IGSF21: variants seen among roughly 807,000 people sequenced by gnomAD.
IGSF21 encodes immunoglobulin superfamily member 21.
Under a neutral mutation model 46.8 loss-of-function variants are expected in IGSF21, and 28 were observed. The observed-to-expected ratio is 0.60, with a 90% CI of 0.44 to 0.82. The LOEUF is 0.82. Among genes scored for constraint, IGSF21 ranks in the 40% least tolerant of loss-of-function variants. The probability of loss-of-function intolerance (pLI) is 0.00; values close to 1 mark genes in which losing one functional copy is unlikely to be tolerated. For missense variants in IGSF21, 624 were observed against 665.5 expected, an observed-to-expected ratio of 0.94 and a Z score of 0.69; for synonymous variants, 284 against 273.6, an observed-to-expected ratio of 1.04 and a Z score of -0.38.
intron 1 of IGSF21, among the ~76,000 whole-genome samples, chr1:18,123,162 G>A (rs1453991038): frequency 1.3e-5 from 2 of 152,188 alleles, no homozygotes; most frequent in African/African-American, 4.8e-5. Flanking sequence ...GAGTCCGGAT[G>A]ATCCCATTCT....
intron 1 of IGSF21, among the ~76,000 whole-genome samples, chr1:18,126,745 A>G (rs917125781): frequency 6.6e-6 from 1 of 152,090 alleles, no homozygotes; most frequent in African/African-American, 2.4e-5. Flanking sequence ...ATGTTTTATT[A>G]AAAGAGCTGG....
chr1:18,198,361 C>T (rs2087030045), intron 1 of IGSF21, among the ~76,000 whole-genome samples: 1 of 152,134 alleles, frequency 6.6e-6, no homozygotes, highest in African/African-American at 2.4e-5. Context: ...TTTATAGCTG[C>T]CGGGACCCAC....
intron 2 of IGSF21, among the ~76,000 whole-genome samples, chr1:18,257,874 C>T (rs1557610826): frequency 6.6e-6 from 1 of 152,210 alleles, no homozygotes; most frequent in Non-Finnish European, 1.5e-5. Context: ...CCCTCCCCCT[C>T]ATGAACCCTT....
At chr1:18,150,478 T>C (rs1054642213) in intron 1 of IGSF21, among the ~76,000 whole-genome samples, 1 of 152,158 alleles carries the variant, frequency 6.6e-6, no homozygotes, top group African/African-American at 2.4e-5. Context: ...GCAGTCACTG[T>C]GCCCTGCCCT....
intron 4 of IGSF21, among the ~76,000 whole-genome samples, chr1:18,347,540 G>A (rs1404693971): frequency 6.6e-6 from 1 of 152,218 alleles, no homozygotes; most frequent in African/African-American, 2.4e-5. Context: ...GTGGGGATCT[G>A]TATCCCCATT....
chr1:18,143,873 C>T (rs988438367), intron 1 of IGSF21, among the ~76,000 whole-genome samples: 1 of 152,122 alleles, frequency 6.6e-6, no homozygotes, highest in East Asian at 1.9e-4. Context: ...CTTGGATTCT[C>T]TCCCCAAGGC....
At position 18,365,678 on chromosome 1, in the gene IGSF21, G is replaced by T. The variant is rs761701513; in HGVS notation, c.996G>T (p.Met332Ile). 2 of 1,612,970 alleles carry T rather than the reference G, an allele frequency of 1.2e-6. No individual in the cohort carries two copies. The highest frequency in any genetic ancestry group is 1.7e-6 in the Non-Finnish European group (2 of 1,179,198). The change falls in exon 6 of 10, where the codon ATG becomes ATT. Residue 332 changes from methionine (M) to isoleucine (I), a missense_variant. Transcript: ENST00000251296. This position sits in a 1 kb window ranked among gnomAD's most constrained non-coding sequence, Gnocchi z 4.8. ...AGCACCCAGCTCTGTCGATGCCCAT[G>T]CAGGCAGAGGTCACGCTGGGTAAGA... ...EVKHPALSMP[M>I]QAEVTLVAPK...
intron 1 of IGSF21, among the ~76,000 whole-genome samples, chr1:18,153,093 A>G (rs897192310): frequency 6.6e-6 from 1 of 152,188 alleles, no homozygotes; most frequent in African/African-American, 2.4e-5. Flanking sequence ...CGAGCCCCCA[A>G]GGGCACTCAG....
At chr1:18,286,837 G>T (rs112561178) in intron 2 of IGSF21, among the ~76,000 whole-genome samples, 3 of 152,262 alleles carry the variant, frequency 2.0e-5, no homozygotes, top group Middle Eastern at 3.4e-3. Flanking sequence ...TTTATCGAGC[G>T]AGTGCCATTT....
intron 1 of IGSF21, among the ~76,000 whole-genome samples, chr1:18,200,798 C>T (rs1369221595): frequency 6.6e-6 from 1 of 152,166 alleles, no homozygotes; most frequent in Non-Finnish European, 1.5e-5. Flanking sequence ...TGGCCGGGAT[C>T]CACGTTGCCC....
chr1:18,188,775 A>G (rs2086927815), intron 1 of IGSF21, among the ~76,000 whole-genome samples: 1 of 152,262 alleles, frequency 6.6e-6, no homozygotes, highest in Non-Finnish European at 1.5e-5. Context: ...ATTGAGGCAC[A>G]GAGAAGCAAA....
At chr1:18,329,692 A>G (rs1361241960) in intron 3 of IGSF21, among the ~76,000 whole-genome samples, 1 of 152,182 alleles carries the variant, frequency 6.6e-6, no homozygotes, top group Non-Finnish European at 1.5e-5. Flanking sequence ...TGTAGAGCCT[A>G]TAGAGCTTAA....
intron 6 of IGSF21, among the ~76,000 whole-genome samples, chr1:18,371,621 A>G (rs962722106): frequency 2.0e-5 from 3 of 152,166 alleles, no homozygotes; most frequent in African/African-American, 7.2e-5. Flanking sequence ...CAGAGTACTC[A>G]CTGTGTGAGT....
At chr1:18,181,384 A>AAACTG (rs2086856837) in intron 1 of IGSF21, among the ~76,000 whole-genome samples, 1 of 152,214 alleles carries the variant, frequency 6.6e-6, no homozygotes, top group African/African-American at 2.4e-5. Context: ...CACTGACCCA[A>AAACTG]ACGCTGTTTT....
At chr1:18,220,029 T>A (rs1208276312) in intron 1 of IGSF21, among the ~76,000 whole-genome samples, 4 of 152,094 alleles carry the variant, frequency 2.6e-5, no homozygotes, top group Non-Finnish European at 5.9e-5. Context: ...CAGCAGCAGC[T>A]CCTCTTGCAG....
chr1:18,122,187 TTCTTTC>T, intron 1 of IGSF21, among the ~76,000 whole-genome samples: 1 of 100,936 alleles, frequency 9.9e-6, no homozygotes, highest in Admixed American at 1.2e-4. Flanking sequence ...TTTTCTTTCT[TTCTTTC>T]TTTTTTTTTT....
rs183388120 is a variant in IGSF21 at position 18,277,554 on chromosome 1, A to T, written c.184-14312A>T. ...GAGAAATGAAAACGTGACTTTTTTT[A>T]AAAAAAAGAAAACTTGTGCAAGAAT... On this transcript the variant is annotated intron_variant, in intron 2 of 9. Coordinates refer to ENST00000251296, the MANE Select transcript of IGSF21 (RefSeq NM_032880.5). Among the ~76,000 whole-genome samples, 1,319 of 152,162 alleles carry T rather than the reference A, an allele frequency of 8.7e-3. 21 individuals are homozygous for T. Among genetic ancestry groups the T allele is most frequent in the African/African-American group, 0.03 (1,226 of 41,516 alleles).
chr1:18,253,116 T>C (rs1272472834), intron 2 of IGSF21, among the ~76,000 whole-genome samples: 1 of 152,158 alleles, frequency 6.6e-6, no homozygotes, highest in African/African-American at 2.4e-5. Flanking sequence ...CACTCTACCA[T>C]AATAAATGAA....
At chr1:18,265,722 G>A (rs1044090295) in intron 2 of IGSF21, among the ~76,000 whole-genome samples, 2 of 152,190 alleles carry the variant, frequency 1.3e-5, no homozygotes, top group African/African-American at 4.8e-5. Flanking sequence ...GGCACTGCTG[G>A]CTGAATTCTC....
Sources: allele counts gnomAD v4.1 joint callset (sites outside exome capture counted in the v4.1 genomes callset), GRCh38; gene constraint gnomAD v4.1.1; non-coding constraint Gnocchi (gnomAD v3.1); transcripts MANE v1.5; gene names NCBI Gene and HGNC (gene_info 2026-07-23, HGNC 2026-07-21).